CPSF4: variants seen among roughly 807,000 people sequenced by gnomAD.
The protein encoded by CPSF4 is cleavage and polyadenylation specificity factor subunit 4.
In CPSF4, 11 loss-of-function variants were observed where a neutral mutation model predicts 37.7. The observed-to-expected ratio is 0.29, with a 90% CI of 0.18 to 0.48. The LOEUF (loss-of-function observed/expected upper bound fraction) is 0.48, where lower values mean the gene tolerates loss of function less well. Ranked by LOEUF, CPSF4 falls within the 20% of genes least tolerant of loss-of-function variation. The probability of loss-of-function intolerance (pLI) is 0.99; values close to 1 mark genes in which losing one functional copy is unlikely to be tolerated. For synonymous variants in CPSF4, 132 were observed against 135.9 expected (o/e 0.97, Z 0.20); for missense variants, 144 against 359.5 (o/e 0.40, Z 4.85).
chr7:99,456,896 C>T lies in CPSF4; in HGVS notation c.*396C>T, dbSNP rs1798351325. The T allele has an allele frequency of 2.8e-6, 1 of 359,310 alleles. No homozygotes were observed. 22.3% of individuals were successfully genotyped at this position (359,310 alleles called of 1,614,324 possible). On this transcript the variant is annotated 3_prime_UTR_variant, in exon 8 of 8. Coordinates refer to ENST00000292476, the MANE Select transcript of CPSF4 (RefSeq NM_006693.4). Reference sequence around the variant, plus strand: ...CCAGGGGCTGGTAGGTCATTCAAAGCTGTGGCCAGCTCACGCCTGCTTCCT... The same window carrying T: ...CCAGGGGCTGGTAGGTCATTCAAAGTTGTGGCCAGCTCACGCCTGCTTCCT...
Position 99,456,628 on chromosome 7 carries a change from C to A in CPSF4, c.*128C>A. 1.3e-6 allele frequency: 1 copy of A among 760,548 alleles called. No homozygotes were observed. The highest frequency in any genetic ancestry group is 1.4e-5 in the South Asian group (1 of 69,064). 47.1% of individuals were successfully genotyped at this position (760,548 alleles called of 1,614,324 possible). On this transcript the variant is annotated 3_prime_UTR_variant, in exon 8 of 8. Coordinates refer to ENST00000292476, the MANE Select transcript of CPSF4 (RefSeq NM_006693.4). ...CCGCAGACACGTGGGTTTCATCACT[C>A]TGAGGGGCCACGTCTGTTAGTTTCC...
rs1448382145 is a variant in CPSF4 at position 99,443,289 on chromosome 7, T to C, written c.104-1500T>C. The stretch of plus-strand genomic sequence containing the variant: ...ATCAACAGTTTTTTTCAGGGGGTTC[T>C]TCCTATTTGACAAGGGGTTTTTTTC... On this transcript the variant is annotated intron_variant, in intron 1 of 7. Coordinates refer to ENST00000292476, the MANE Select transcript of CPSF4 (RefSeq NM_006693.4). 3 of 805,590 alleles carry C rather than the reference T, an allele frequency of 3.7e-6. No homozygotes were observed. The African/African-American group carries it at 5.0e-5, about 14-fold the overall frequency. 49.9% of individuals were successfully genotyped at this position (805,590 alleles called of 1,614,324 possible).
intron 1 of CPSF4, among the ~76,000 whole-genome samples, chr7:99,444,348 T>G (rs1049292927): frequency 3.3e-5 from 5 of 152,052 alleles, no homozygotes; most frequent in African/African-American, 9.7e-5. Context: ...TCCCAGCTAC[T>G]TGGGAGGCTG....
At chr7:99,442,876 C>T (rs1797141565) in intron 1 of CPSF4, 2 of 1,135,738 alleles carry the variant, frequency 1.8e-6, no homozygotes, top group East Asian at 4.7e-5. Flanking sequence ...GTATCAAGAA[C>T]CTTTCATCAG....
chr7:99,456,176 C>T (rs111883291), intron 7 of CPSF4, among the ~76,000 whole-genome samples: 1,959 of 152,362 alleles, frequency 0.013, 38 homozygotes, highest in African/African-American at 0.045. Flanking sequence ...GCTAGCAGGT[C>T]GCCTTCTGGC....
chr7:99,456,949 CT>C lies in CPSF4; in HGVS notation c.*450del, dbSNP rs1798353778. ...CTCCCTGCCCTGCTGAATCCTAAAG[CT>C]GTGCCTATATCTGTGATTTGAATGA... On this transcript the variant is annotated 3_prime_UTR_variant, in exon 8 of 8. Coordinates refer to ENST00000292476, the MANE Select transcript of CPSF4 (RefSeq NM_006693.4). 3.1e-6 allele frequency: 1 copy of C among 325,330 alleles called. No individual in the cohort carries two copies. The highest frequency in any genetic ancestry group is 2.2e-5 in the African/African-American group (1 of 46,426). 20.2% of individuals were successfully genotyped at this position (325,330 alleles called of 1,614,324 possible).
rs544344658 is a variant in CPSF4, at chr7:99,444,996, A to T, written c.154+157A>T. Reference sequence around the variant, plus strand: ...CTGGTTTGGACAGGCTAGGACCCTGATGGGGTGTTCCACCTGAAACCTAAA... The same window carrying T: ...CTGGTTTGGACAGGCTAGGACCCTGTTGGGGTGTTCCACCTGAAACCTAAA... On this transcript the variant is annotated intron_variant, in intron 2 of 7. Transcript: ENST00000292476. 3.9e-5 allele frequency among the ~76,000 whole-genome samples: 6 copies of T among 152,318 alleles called. 1 individual carries two copies. The South Asian group carries it at 1.2e-3, about 32-fold the overall frequency.
intron 2 of CPSF4, among the ~76,000 whole-genome samples, chr7:99,445,355 A>G (rs1020452123): frequency 6.6e-6 from 1 of 152,154 alleles, no homozygotes; most frequent in Non-Finnish European, 1.5e-5. Context: ...CAGAGGTTGC[A>G]GTGAGCCGAG....
Position 99,454,109 on chromosome 7 carries a change from G to A in CPSF4, c.714G>A (p.Arg238=), listed in dbSNP as rs1798128856. 1.9e-6 allele frequency: 3 copies of A among 1,613,888 alleles called. No individual in the cohort carries two copies. Among genetic ancestry groups the A allele is most frequent in the African/African-American group, 2.7e-5 (2 of 74,952 alleles). The part of the protein sequence containing the change: ...QNSSAGNRGP[R]PLEQVTCYKC... Reference sequence around the variant, plus strand: ...GCAGCGCGGGCAACCGGGGACCCCGGCCACTGGAGCAGGTCACCTGTTACA... The same window carrying A: ...GCAGCGCGGGCAACCGGGGACCCCGACCACTGGAGCAGGTCACCTGTTACA... Residue 238 remains arginine (R), a synonymous_variant, in exon 7 of 8, where the codon CGG becomes CGA. Transcript: ENST00000292476.
intron 7 of CPSF4, among the ~76,000 whole-genome samples, chr7:99,454,603 C>A (rs1398313437): frequency 6.6e-6 from 1 of 152,198 alleles, no homozygotes; most frequent in South Asian, 2.1e-4. Context: ...GAAACCTCCT[C>A]GAAAACTGTC....
At chr7:99,439,428 T>C in intron 1 of CPSF4, 1 of 425,222 alleles carries the variant, frequency 2.4e-6, no homozygotes, top group African/African-American at 2.1e-5. Flanking sequence ...CCCGAGACTC[T>C]TCCCACTCCA....
chr7:99,444,416 C>T lies in CPSF4; in HGVS notation c.104-373C>T, dbSNP rs574230264. 3.3e-5 allele frequency among the ~76,000 whole-genome samples: 5 copies of T among 151,924 alleles called. No homozygotes were observed. In the South Asian group the frequency reaches 1.0e-3, roughly 32 times the overall value. Reference sequence around the variant, plus strand: ...AGATTGCAGTGAGCCAAGATCGCGTCATTGCACTCCAGCCCAGGCAACTAG... The same window carrying T: ...AGATTGCAGTGAGCCAAGATCGCGTTATTGCACTCCAGCCCAGGCAACTAG... On this transcript the variant is annotated intron_variant, in intron 1 of 7. Coordinates refer to ENST00000292476, the MANE Select transcript of CPSF4 (RefSeq NM_006693.4).
At chr7:99,454,249 G>T in intron 7 of CPSF4, 113 bp downstream of exon 7, 2 of 1,022,434 alleles carry the variant, frequency 2.0e-6, no homozygotes, top group Admixed American at 5.5e-5. Flanking sequence ...CATTTTTGCT[G>T]ATTGTAAGCA....
At chr7:99,451,883 T>C (rs1422323192) in intron 5 of CPSF4, among the ~76,000 whole-genome samples, 2 of 152,218 alleles carry the variant, frequency 1.3e-5, no homozygotes, top group Admixed American at 6.5e-5. Context: ...TGCTTCTCAC[T>C]GCAGGGAAGT....
rs541608200 is a variant in CPSF4, at chr7:99,446,486, C to T, written c.155-1635C>T. Among the ~76,000 whole-genome samples the T allele has an allele frequency of 1.3e-3, 192 of 152,248 alleles. 1 individual carries two copies. The highest frequency in any genetic ancestry group is 3.5e-3 in the African/African-American group (144 of 41,542). On this transcript the variant is annotated intron_variant, in intron 2 of 7. Coordinates refer to ENST00000292476, the MANE Select transcript of CPSF4 (RefSeq NM_006693.4). ...TCCATGGTGGTCTTGCCAGGCCACC[C>T]GTTAGAAGTCTCACACATCCCCAGA...
chr7:99,450,644 C>T (rs1001271470), intron 4 of CPSF4, 58 bp from the exon 5 acceptor site: 2 of 1,365,410 alleles, frequency 1.5e-6, no homozygotes, highest in South Asian at 1.2e-5. Context: ...TGAAACCATG[C>T]TCCAGCTCTC....
intron 1 of CPSF4, among the ~76,000 whole-genome samples, chr7:99,440,137 A>C (rs950074381): frequency 3.3e-5 from 5 of 152,208 alleles, no homozygotes; most frequent in African/African-American, 4.8e-5. Flanking sequence ...TTCAATCCAC[A>C]GATGGGGAAA....
chr7:99,444,028 C>T (rs1467712310), intron 1 of CPSF4, among the ~76,000 whole-genome samples: 1 of 152,202 alleles, frequency 6.6e-6, no homozygotes, highest in Non-Finnish European at 1.5e-5. Context: ...GGCACTGCCT[C>T]TTCCTTGAAG....
chr7:99,453,859 T>G lies in CPSF4; in HGVS notation c.571-107T>G, dbSNP rs1798103133. On this transcript the variant is annotated intron_variant, in intron 6 of 7. Transcript: ENST00000292476. The surrounding 1 kb of genome is among the most constrained non-coding windows in gnomAD (Gnocchi z 4.7). ...AGGTGGGCCGTCGTGGAAGCCCTGC[T>G]TCCTGCCGTTTGCGGGACGAGTCCC... 9.3e-7 allele frequency: 1 copy of G among 1,071,212 alleles called. No homozygotes were observed. Among genetic ancestry groups the G allele is most frequent in the Admixed American group, 2.1e-5 (1 of 48,332 alleles). The allele number at this position is 1,071,212 out of a possible 1,614,324, so 66.4% of individuals were successfully genotyped here. A position where few individuals can be genotyped will look rare whatever the true frequency, so the allele number is the denominator to read the frequency against.
Sources: gnomAD v4.1 joint callset for allele counts (sites outside exome capture counted in the v4.1 genomes callset) on GRCh38, gnomAD v4.1.1 for gene constraint, Gnocchi (gnomAD v3.1) non-coding constraint, MANE v1.5 for transcripts, NCBI Gene and HGNC (gene_info 2026-07-23, HGNC 2026-07-21) for gene names.